Variants in PTK2 observed in about 807,000 individuals in gnomAD.
PTK2 encodes focal adhesion kinase 1.
A neutral mutation model predicts 150.1 loss-of-function variants in PTK2; 45 were observed. The ratio of observed to expected loss-of-function variants is 0.30; its 90% CI spans 0.24 to 0.38. The LOEUF (loss-of-function observed/expected upper bound fraction) is 0.38, where lower values mean the gene tolerates loss of function less well. PTK2 is among the 10% of genes least tolerant of loss of function. PTK2 has a pLI of 1.00. For synonymous variants in PTK2, 432 were observed against 449.2 expected (o/e 0.96, Z 0.48); for missense variants, 919 against 1,307.3 (o/e 0.70, Z 4.58).
chr8:140,855,619 A>T (rs965216041), intron 5 of PTK2, among the ~76,000 whole-genome samples: 5 of 152,092 alleles, frequency 3.3e-5, no homozygotes, highest in Admixed American at 2.0e-4. Context: ...AAGAAAACCT[A>T]AGATCAGTTA....
intron 1 of PTK2, among the ~76,000 whole-genome samples, chr8:140,955,064 A>G (rs1265693239): frequency 6.6e-6 from 1 of 152,248 alleles, no homozygotes; most frequent in Non-Finnish European, 1.5e-5. Context: ...ATCAACAGGC[A>G]TAATTAATCT....
intron 1 of PTK2, among the ~76,000 whole-genome samples, chr8:140,978,079 C>T (rs1415698436): frequency 2.6e-5 from 4 of 152,140 alleles, no homozygotes; most frequent in Admixed American, 6.6e-5. Flanking sequence ...AATCTGGATC[C>T]CTTCCTTACA....
At chr8:140,664,350 T>G (rs1014896509) in intron 31 of PTK2, among the ~76,000 whole-genome samples, 4 of 152,192 alleles carry the variant, frequency 2.6e-5, no homozygotes, top group African/African-American at 9.6e-5. Flanking sequence ...CTATGTTGTC[T>G]TGAAATCCAG....
intron 21 of PTK2, 145 bp downstream of exon 24, chr8:140,738,873 C>CAAATGAATCAAAAG (rs2100054062): frequency 2.2e-6 from 1 of 456,930 alleles, no homozygotes; most frequent in Non-Finnish European, 3.7e-6. Context: ...TATTTACTGT[C>CAAATGAATCAAAAG]AAATGAATCA....
At chr8:140,849,955 C>T (rs2100128150) in intron 5 of PTK2, among the ~76,000 whole-genome samples, 1 of 152,164 alleles carries the variant, frequency 6.6e-6, no homozygotes, top group African/African-American at 2.4e-5. Flanking sequence ...ATAGGAACCA[C>T]CTCTCATTTA....
At chr8:140,787,727 A>G (rs966708184) in intron 14 of PTK2, among the ~76,000 whole-genome samples, 2 of 152,244 alleles carry the variant, frequency 1.3e-5, no homozygotes, top group Non-Finnish European at 2.9e-5. Context: ...ATAATGGGAC[A>G]TTTCCCTTCT....
At chr8:140,919,616 C>G (rs1050905760) in intron 2 of PTK2, among the ~76,000 whole-genome samples, 3 of 151,776 alleles carry the variant, frequency 2.0e-5, no homozygotes, top group Admixed American at 6.6e-5. Flanking sequence ...AGGAAAAGAC[C>G]AAAATTTTCA....
intron 4 of PTK2, among the ~76,000 whole-genome samples, chr8:140,872,878 T>C (rs1473957177): frequency 1.3e-5 from 2 of 152,184 alleles, no homozygotes. Context: ...ATATTAACCA[T>C]TTTAAGGTGT....
intron 2 of PTK2, chr8:140,921,030 T>G (rs994008865): frequency 5.4e-6 from 7 of 1,295,876 alleles, no homozygotes; most frequent in Non-Finnish European, 6.8e-6. Flanking sequence ...GTGCTCCTTT[T>G]TTCAGAGCTT....
At chr8:140,887,993 C>A (rs538655436) in intron 3 of PTK2, among the ~76,000 whole-genome samples, 1 of 152,276 alleles carries the variant, frequency 6.6e-6, no homozygotes, top group Non-Finnish European at 1.5e-5. Flanking sequence ...TAAGCCGTAT[C>A]ATTTCAGAAA....
intron 19 of PTK2, 76 bp from the exon 23 acceptor site, chr8:140,743,406 C>G: frequency 9.1e-7 from 1 of 1,096,814 alleles, no homozygotes; most frequent in South Asian, 1.4e-5. Context: ...TAAAGACATA[C>G]CAATAGGCAC....
intron 14 of PTK2, among the ~76,000 whole-genome samples, chr8:140,766,294 G>C (rs1172266626): frequency 1.3e-5 from 2 of 152,152 alleles, no homozygotes; most frequent in Non-Finnish European, 2.9e-5. Flanking sequence ...CTGCCTTAAT[G>C]AAGAAGGGCA....
chr8:140,698,399 G>T (rs1201030865), intron 26 of PTK2, among the ~76,000 whole-genome samples: 1 of 152,192 alleles, frequency 6.6e-6, no homozygotes, highest in African/African-American at 2.4e-5. Flanking sequence ...TATGTTCTTA[G>T]AATAGATATA....
In PTK2 at chr8:140,701,114, C is replaced by G. The variant is rs557792228; in HGVS notation, c.2368-92G>C. The G allele has an allele frequency of 1.4e-4, 193 of 1,367,478 alleles. No individual in the cohort carries two copies. The African/African-American group carries it at 2.6e-3, about 18-fold the overall frequency. 84.7% of individuals were successfully genotyped at this position (1,367,478 alleles called of 1,614,324 possible). A position where few individuals can be genotyped will look rare whatever the true frequency, so the allele number is the denominator to read the frequency against. ...TATGTGTCTTTCAAGAAAAGATAAGCAAAACAGCAAGTATGAGAAACAGGA... is the reference window on the plus strand; with the variant it reads ...TATGTGTCTTTCAAGAAAAGATAAGGAAAACAGCAAGTATGAGAAACAGGA... On this transcript the variant is annotated intron_variant, in intron 25 of 31. Coordinates refer to ENST00000522684, the Ensembl canonical transcript of PTK2.
intron 26 of PTK2, among the ~76,000 whole-genome samples, chr8:140,694,624 C>T (rs938593955): frequency 3.9e-5 from 6 of 152,134 alleles, no homozygotes; most frequent in Non-Finnish European, 7.3e-5. Context: ...GGTGCAGCGG[C>T]CTGGCCTGGT....
chr8:140,707,524 G>A (rs2100034494), intron 23 of PTK2, among the ~76,000 whole-genome samples: 2 of 147,798 alleles, frequency 1.4e-5, no homozygotes, highest in African/African-American at 5.0e-5. Flanking sequence ...TCGTGCCTCA[G>A]CCTCTCAAGT....
intron 4 of PTK2, among the ~76,000 whole-genome samples, chr8:140,870,021 CATGACGATA>C (rs1185142900): frequency 3.9e-5 from 6 of 152,074 alleles, no homozygotes; most frequent in African/African-American, 1.2e-4. Context: ...CTTCAAATAA[CATGACGATA>C]AGCTTGAAAA....
intron 1 of PTK2, among the ~76,000 whole-genome samples, chr8:140,935,910 G>A (rs886952742): frequency 2.6e-5 from 4 of 151,904 alleles, no homozygotes; most frequent in African/African-American, 4.8e-5. Context: ...ACCTCCCAAA[G>A]TGCTGGGATT....
In PTK2 at chr8:140,880,471, C is replaced by G. The variant is rs369070622; in HGVS notation, c.196-834G>C. On this transcript the variant is annotated intron_variant, in intron 3 of 31. Coordinates refer to ENST00000522684, the Ensembl canonical transcript of PTK2. ...ATGGAAGACTCATTTGGGAACATGA[C>G]AGAACCATTTGCTGTCCTTTACACG... 1.1e-4 allele frequency among the ~76,000 whole-genome samples: 17 copies of G among 152,316 alleles called. No homozygotes were observed. In the East Asian group the frequency reaches 3.3e-3, roughly 29 times the overall value.
Sources: allele counts gnomAD v4.1 joint callset (sites outside exome capture counted in the v4.1 genomes callset), GRCh38; gene constraint gnomAD v4.1.1; transcripts MANE v1.5; gene names NCBI Gene and HGNC (gene_info 2026-07-23, HGNC 2026-07-21).